The following ADAMTS7 variants were observed in gnomAD, a reference collection of about 807,000 sequenced individuals.
ADAMTS7 encodes the protein ADAM metallopeptidase with thrombospondin type 1 motif 7.
A neutral mutation model predicts 172.6 loss-of-function variants in ADAMTS7; 89 were observed. The ratio of observed to expected loss-of-function variants is 0.52; its 90% CI spans 0.43 to 0.61. The LOEUF is 0.61. Ranked by LOEUF, ADAMTS7 falls within the 20% of genes least tolerant of loss-of-function variation. The pLI is 0.00. For missense variants in ADAMTS7, 1,973 were observed against 2,355.6 expected (o/e 0.84, Z 3.36); for synonymous variants, 885 against 978.4 (o/e 0.90, Z 1.78).
intron 16 of ADAMTS7, among the ~76,000 whole-genome samples, chr15:78,769,162 G>A (rs1397408774): frequency 7.9e-5 from 12 of 152,164 alleles, no homozygotes; most frequent in Non-Finnish European, 1.8e-4. Flanking sequence ...CACCAGGCTT[G>A]GCACTGCTCC....
At position 78,774,665 on chromosome 15, in the gene ADAMTS7, T is replaced by G. The variant is rs747569494; in HGVS notation, c.1835A>C (p.Tyr612Ser). Residue 612 changes from tyrosine (Y) to serine (S), a missense_variant, in exon 12 of 24, where the codon TAC becomes TCC. Tyr to Ser is a moderately radical substitution (Grantham distance 144). This residue lies in a region of ADAMTS7 where 526 missense variants were observed against 662.9 expected (regional missense o/e 0.79). Transcript: ENST00000388820. ...VQCSHFDAML[Y>S]KGQLHTWVPV... ...CACCCATGTGTGCAGCTGGCCCTTG[T>G]AGAGCATAGCGTCAAAGTGGCTGCA... 1 of 1,611,662 alleles carries G rather than the reference T, an allele frequency of 6.2e-7. No homozygotes were observed. Among genetic ancestry groups the G allele is most frequent in the South Asian group, 1.1e-5 (1 of 90,922 alleles).
rs2055252748 is a variant in ADAMTS7, at chr15:78,771,727, T to A, written c.2234A>T (p.Glu745Val). Residue 745 changes from glutamate (E) to valine (V), a missense_variant, in exon 15 of 24, where the codon GAG (glutamate) becomes GTG (valine). This residue lies in a region of ADAMTS7 where 771 missense variants were observed against 952.6 expected (regional missense o/e 0.81). Coordinates refer to ENST00000388820, the MANE Select transcript of ADAMTS7 (RefSeq NM_014272.5). This position sits in a 1 kb window ranked among gnomAD's most constrained non-coding sequence, Gnocchi z 4.9. ...CCAGCCACCATTGAGGAAGTACTTC[T>A]CCGGGTCCTCGCTCCGCAGTGCCAG... ...NFLALRSEDP[E>V]KYFLNGGWTI... 3.7e-6 allele frequency: 6 copies of A among 1,610,252 alleles called. No homozygotes were observed. In the East Asian group the frequency reaches 1.3e-4, roughly 36 times the overall value.
intron 1 of ADAMTS7, among the ~76,000 whole-genome samples, chr15:78,805,498 C>T (rs1460005432): frequency 1.3e-5 from 2 of 152,150 alleles, no homozygotes; most frequent in Non-Finnish European, 2.9e-5. Context: ...GGTCCTCAGT[C>T]CCCACCACTC....
intron 8 of ADAMTS7, among the ~76,000 whole-genome samples, chr15:78,781,128 G>C (rs1438066335): frequency 2.0e-5 from 3 of 152,232 alleles, no homozygotes; most frequent in Non-Finnish European, 2.9e-5. Flanking sequence ...GCCAGGATGA[G>C]AGGGTGGTCT....
At chr15:78,776,515 C>G (rs1311100195) in intron 10 of ADAMTS7, 182 bp from the exon 11 acceptor site, 1 of 970,992 alleles carries the variant, frequency 1.0e-6, no homozygotes, top group Admixed American at 2.7e-5. Context: ...AGGAGCTGAG[C>G]GGGGAGTAAA....
chr15:78,804,723 T>G (rs1296356358), intron 1 of ADAMTS7, among the ~76,000 whole-genome samples: 1 of 152,194 alleles, frequency 6.6e-6, no homozygotes, highest in East Asian at 1.9e-4. Context: ...GTCAAGAGAC[T>G]GGGTAGGCTG....
Position 78,774,723 on chromosome 15 carries a change from G to A in ADAMTS7, c.1777C>T (p.Pro593Ser), listed in dbSNP as rs201460425. The change falls in exon 12 of 24, where the codon CCT becomes TCT. Residue 593 changes from proline (P) to serine (S), a missense_variant. Coordinates refer to ENST00000388820, the MANE Select transcript of ADAMTS7 (RefSeq NM_014272.5). Reference sequence around the variant, plus strand: ...TGGCGGAAGGAGGGGCGGCCAGCAGGGCAGGCCTGCAGGTTGCAGAGGCGG... The same window carrying A: ...TGGCGGAAGGAGGGGCGGCCAGCAGAGCAGGCCTGCAGGTTGCAGAGGCGG... ...RFRLCNLQAC[P>S]AGRPSFRHVQ... 2.7e-3 allele frequency: 4,348 copies of A among 1,598,674 alleles called. 14 individuals carry two copies. The highest frequency in any genetic ancestry group is 8.5e-3 in the African/African-American group (627 of 73,464).
chr15:78,779,485 A>C (rs958781974), intron 8 of ADAMTS7, among the ~76,000 whole-genome samples: 2 of 152,070 alleles, frequency 1.3e-5, no homozygotes, highest in Non-Finnish European at 2.9e-5. Context: ...CTCCCATTCA[A>C]CTGCGAGCCT....
chr15:78,776,118 T>G (rs2055338919), intron 11 of ADAMTS7, 70 bp downstream of exon 11: 2 of 1,510,272 alleles, frequency 1.3e-6, no homozygotes, highest in East Asian at 4.7e-5. Context: ...AGAGCCAAGC[T>G]CCTGCAATCG....
In ADAMTS7 at chr15:78,800,519, C is replaced by T; in HGVS notation, c.129G>A (p.Leu43=). The T allele has an allele frequency of 6.2e-7, 1 of 1,603,822 alleles. No individual in the cohort carries two copies. Residue 43 remains leucine, a synonymous_variant, in exon 2 of 24, where the codon CTG becomes CTA. Coordinates refer to ENST00000388820, the MANE Select transcript of ADAMTS7 (RefSeq NM_014272.5). ...PGRATEGRAA[L]DIVHPVRVDA... is the part of the protein sequence containing the mutation. ...CGACTCGAACCGGGTGCACGATGTC[C>T]AGTGCCGCCCGGCCCTCGGTTGCAC...
rs201523294 is a variant in ADAMTS7 at position 78,763,733 on chromosome 15, G to C, written c.4706C>G (p.Pro1569Arg). 8.3e-5 allele frequency: 132 copies of C among 1,591,584 alleles called. No homozygotes were observed. Among genetic ancestry groups the C allele is most frequent in the Non-Finnish European group, 1.1e-4 (128 of 1,171,484 alleles). ...GGGCCCCACCACCCACTGCGTGCAG[G>C]GGTGGGTGTTGCAGGGCCGGGTGGT... ...PNTTRPCNTH[P>R]CTQWVVGPWG... The change falls in exon 22 of 24, where the codon CCC becomes CGC. Residue 1569 changes from proline to arginine, a missense_variant. This residue lies in a region of ADAMTS7 where 218 missense variants were observed against 216.9 expected (regional missense o/e 1.01). Coordinates refer to ENST00000388820, the MANE Select transcript of ADAMTS7 (RefSeq NM_014272.5).
At chr15:78,795,749 G>T (rs141158349) in intron 4 of ADAMTS7, among the ~76,000 whole-genome samples, 3 of 152,208 alleles carry the variant, frequency 2.0e-5, no homozygotes, top group African/African-American at 7.2e-5. Context: ...AATGCCAGGG[G>T]CAGAGATCTT....
intron 1 of ADAMTS7, among the ~76,000 whole-genome samples, chr15:78,808,432 C>T (rs2055823748): frequency 1.3e-5 from 2 of 152,098 alleles, no homozygotes; most frequent in Non-Finnish European, 1.5e-5. Flanking sequence ...GATGGAGTTT[C>T]ACCATGTTGG....
intron 8 of ADAMTS7, among the ~76,000 whole-genome samples, chr15:78,782,523 C>T (rs1401576640): frequency 4.6e-5 from 7 of 152,030 alleles, no homozygotes; most frequent in African/African-American, 1.4e-4. Flanking sequence ...ACAGATTTAT[C>T]GCTGCTCCCT....
chr15:78,774,611 G>T lies in ADAMTS7; in HGVS notation c.1876+13C>A. ...CTCTAAGCCTCAATGTCTCCATGGG[G>T]GGCAGCACTCACCGTCATTGACCAC... On this transcript the variant is annotated intron_variant, in intron 12 of 23. Transcript: ENST00000388820. 1 of 1,513,578 alleles carries T rather than the reference G, an allele frequency of 6.6e-7. No homozygotes were observed. The highest frequency in any genetic ancestry group is 9.0e-7 in the Non-Finnish European group (1 of 1,109,596). 93.8% of individuals were successfully genotyped at this position (1,513,578 alleles called of 1,614,324 possible).
At chr15:78,782,662 A>G (rs1348165736) in intron 8 of ADAMTS7, among the ~76,000 whole-genome samples, 1 of 152,158 alleles carries the variant, frequency 6.6e-6, no homozygotes, top group Non-Finnish European at 1.5e-5. Flanking sequence ...GCAGTAGCTG[A>G]CTTGGTAGAG....
At chr15:78,760,069 A>T (rs2055018181) in intron 23 of ADAMTS7, among the ~76,000 whole-genome samples, 1 of 150,274 alleles carries the variant, frequency 6.7e-6, no homozygotes, top group Non-Finnish European at 1.5e-5. Flanking sequence ...CAGGGGCTGT[A>T]CTCAGCCTCG....
rs952574982 is a variant in ADAMTS7, at chr15:78,811,369, C to A, written c.-149G>T. ...GGCCCCGACTCCGTTCGGCTGCGCT[C>A]GGTCCGCGGGCAACAAAGGCTGCAG... is the stretch of plus-strand genomic sequence containing the variant. On this transcript the variant is annotated 5_prime_UTR_variant, in exon 1 of 24. Coordinates refer to ENST00000388820, the MANE Select transcript of ADAMTS7 (RefSeq NM_014272.5). 5 of 1,004,698 alleles carry A rather than the reference C, an allele frequency of 5.0e-6. No homozygotes were observed. The highest frequency in any genetic ancestry group is 4.4e-5 in the Admixed American group (1 of 22,710). 62.2% of individuals were successfully genotyped at this position (1,004,698 alleles called of 1,614,324 possible). A position where few individuals can be genotyped will look rare whatever the true frequency, so the allele number is the denominator to read the frequency against.
intron 8 of ADAMTS7, among the ~76,000 whole-genome samples, chr15:78,779,612 C>CT (rs1228627837): frequency 6.6e-6 from 1 of 152,188 alleles, no homozygotes; most frequent in African/African-American, 2.4e-5. Flanking sequence ...CTCCCTGGGC[C>CT]TGCACCCGGG....
Sources: allele counts gnomAD v4.1 joint callset (sites outside exome capture counted in the v4.1 genomes callset), GRCh38; gene constraint gnomAD v4.1.1; regional missense constraint gnomAD v4.1.1; non-coding constraint Gnocchi (gnomAD v3.1); transcripts MANE v1.5; gene names NCBI Gene and HGNC (gene_info 2026-07-23, HGNC 2026-07-21).